ARHGAP10: variants seen among roughly 807,000 people sequenced by gnomAD.
ARHGAP10 encodes Rho GTPase activating protein 10.
A neutral mutation model predicts 108.6 loss-of-function variants in ARHGAP10; 87 were observed. The observed-to-expected ratio is 0.80, with a 90% CI of 0.67 to 0.96. The LOEUF (loss-of-function observed/expected upper bound fraction) is 0.96, where lower values mean the gene tolerates loss of function less well. ARHGAP10 is among the 40% of genes least tolerant of loss of function. The pLI is 0.00. For missense variants in ARHGAP10, 939 were observed against 954.5 expected (o/e 0.98, Z 0.21); for synonymous variants, 347 against 341.1 (o/e 1.02, Z -0.19).
In ARHGAP10 at chr4:148,072,337, T is replaced by C; in HGVS notation, c.*256T>C. On this transcript the variant is annotated 3_prime_UTR_variant, in exon 23 of 23. Transcript: ENST00000336498. ...CTTTTCATTTGTCAAGTATTGGGAC[T>C]TGTGATTTTTAATTATCCAGCATAT... 4 of 417,108 alleles carry C rather than the reference T, an allele frequency of 9.6e-6. No homozygotes were observed. The East Asian group carries it at 1.5e-4, about 15-fold the overall frequency. The allele number at this position is 417,108 out of a possible 1,614,324, so 25.8% of individuals were successfully genotyped here.
At chr4:148,036,308 C>T (rs374166652) in intron 19 of ARHGAP10, among the ~76,000 whole-genome samples, 11 of 152,164 alleles carry the variant, frequency 7.2e-5, no homozygotes, top group African/African-American at 2.7e-4. Flanking sequence ...AATTATCTCA[C>T]TCAGTTCCTT....
intron 13 of ARHGAP10, among the ~76,000 whole-genome samples, chr4:147,919,066 A>G (rs1360150879): frequency 6.6e-6 from 1 of 152,130 alleles, no homozygotes; most frequent in Non-Finnish European, 1.5e-5. Context: ...CTTTCTTAAC[A>G]TGTTCTTTTG....
chr4:147,814,967 A>G (rs976300561), intron 1 of ARHGAP10, among the ~76,000 whole-genome samples: 1 of 152,188 alleles, frequency 6.6e-6, no homozygotes, highest in Non-Finnish European at 1.5e-5. Context: ...ACTAATTACC[A>G]TAGCACCCAT....
chr4:148,043,606 C>G (rs1028248368), intron 19 of ARHGAP10, among the ~76,000 whole-genome samples: 1 of 53,714 alleles, frequency 1.9e-5, no homozygotes, highest in African/African-American at 6.1e-5. Flanking sequence ...TAGGGAGACC[C>G]TCTCTCTAAT....
At position 147,848,082 on chromosome 4, in the gene ARHGAP10, G is replaced by C. The variant is rs1733707417; in HGVS notation, c.384+860G>C. On this transcript the variant is annotated intron_variant, in intron 4 of 22. Coordinates refer to ENST00000336498, the MANE Select transcript of ARHGAP10 (RefSeq NM_024605.4). ...GTATTTTTTTCCCCCCACGTGGCTG[G>C]GGATGTGAGTTTTTTTTTTTTTCTC... Among the ~76,000 whole-genome samples the C allele has an allele frequency of 2.6e-5, 3 of 113,572 alleles. No homozygotes were observed. In the South Asian group the frequency reaches 1.0e-3, roughly 39 times the overall value. The allele number at this position is 113,572 out of a possible 152,430, so 74.5% of individuals were successfully genotyped here. A position where few individuals can be genotyped will look rare whatever the true frequency, so the allele number is the denominator to read the frequency against.
At chr4:147,997,410 TGCTGA>T (rs1740516693) in intron 18 of ARHGAP10, among the ~76,000 whole-genome samples, 1 of 152,324 alleles carries the variant, frequency 6.6e-6, no homozygotes, top group African/African-American at 2.4e-5. Flanking sequence ...TAAGGGAGCT[TGCTGA>T]GCTAAGACAA....
intron 13 of ARHGAP10, among the ~76,000 whole-genome samples, chr4:147,919,833 G>T (rs1204056468): frequency 6.6e-6 from 1 of 152,056 alleles, no homozygotes; most frequent in Non-Finnish European, 1.5e-5. Context: ...ACCCTCCTCT[G>T]CCTCTCAAAG....
chr4:147,800,235 A>G (rs1384477240), intron 1 of ARHGAP10, among the ~76,000 whole-genome samples: 1 of 152,228 alleles, frequency 6.6e-6, no homozygotes, highest in Non-Finnish European at 1.5e-5. Flanking sequence ...TGACTGTGGC[A>G]TAGTCCCCCT....
chr4:147,761,667 C>T (rs1729598594), intron 1 of ARHGAP10, among the ~76,000 whole-genome samples: 1 of 152,122 alleles, frequency 6.6e-6, no homozygotes, highest in Non-Finnish European at 1.5e-5. Flanking sequence ...AATATAATTG[C>T]CTGGAATTCT....
intron 1 of ARHGAP10, among the ~76,000 whole-genome samples, chr4:147,777,663 C>T (rs892719549): frequency 5.3e-5 from 8 of 152,140 alleles, no homozygotes; most frequent in African/African-American, 1.9e-4. Flanking sequence ...ACTGACTGAC[C>T]TTTAAGGGTG....
chr4:147,798,151 G>A (rs1321408525), intron 1 of ARHGAP10, among the ~76,000 whole-genome samples: 7 of 144,552 alleles, frequency 4.8e-5, no homozygotes, highest in East Asian at 2.0e-4. Context: ...TTTTTTTTTC[G>A]TAAGGGATAC....
chr4:147,784,668 T>TTATAAATATAAAA (rs1425386429), intron 1 of ARHGAP10, among the ~76,000 whole-genome samples: 33 of 1,940 alleles, frequency 0.017, 2 homozygotes, highest in African/African-American at 0.035. Context: ...AAAATATATA[T>TTATAAATATAAAA]TATATATTAT....
At chr4:147,733,061 C>T (rs958886325) in intron 1 of ARHGAP10, among the ~76,000 whole-genome samples, 2 of 152,134 alleles carry the variant, frequency 1.3e-5, no homozygotes, top group African/African-American at 2.4e-5. Flanking sequence ...CCTCCCCTGC[C>T]GTGCTGAGGA....
intron 11 of ARHGAP10, among the ~76,000 whole-genome samples, chr4:147,908,368 C>A (rs1256802245): frequency 6.6e-6 from 1 of 152,080 alleles, no homozygotes; most frequent in Non-Finnish European, 1.5e-5. Flanking sequence ...AGTCAGTTTG[C>A]GTAGCGAAAA....
At chr4:147,743,323 G>A (rs1220508678) in intron 1 of ARHGAP10, among the ~76,000 whole-genome samples, 1 of 152,034 alleles carries the variant, frequency 6.6e-6, no homozygotes, top group East Asian at 1.9e-4. Flanking sequence ...AAGCCACCGC[G>A]CCCAGCCGAT....
chr4:147,872,871 A>G (rs1165840049), intron 7 of ARHGAP10, among the ~76,000 whole-genome samples: 1 of 152,208 alleles, frequency 6.6e-6, no homozygotes, highest in Non-Finnish European at 1.5e-5. Context: ...AGATCCACAA[A>G]GTTCAAGCCT....
chr4:147,797,279 T>G (rs952647113), intron 1 of ARHGAP10, among the ~76,000 whole-genome samples: 1 of 152,172 alleles, frequency 6.6e-6, no homozygotes, highest in Non-Finnish European at 1.5e-5. Flanking sequence ...CAGATGAAGA[T>G]CCAACCTCTT....
chr4:147,778,512 G>C (rs960772604), intron 1 of ARHGAP10, among the ~76,000 whole-genome samples: 6 of 152,082 alleles, frequency 3.9e-5, no homozygotes, highest in Admixed American at 2.6e-4. Context: ...TTGTCTTAGG[G>C]TCTTTCACAG....
intron 7 of ARHGAP10, among the ~76,000 whole-genome samples, chr4:147,870,169 A>G (rs1437833119): frequency 6.6e-6 from 1 of 151,616 alleles, no homozygotes; most frequent in Non-Finnish European, 1.5e-5. Flanking sequence ...TCCTGCCTGT[A>G]GTCCTAGTTC....
Sources: allele counts gnomAD v4.1 joint callset (sites outside exome capture counted in the v4.1 genomes callset), GRCh38; gene constraint gnomAD v4.1.1; transcripts MANE v1.5; gene names NCBI Gene and HGNC (gene_info 2026-07-23, HGNC 2026-07-21).